The following SAMMSON variants were observed in gnomAD, a reference collection of about 807,000 sequenced individuals.
The protein encoded by SAMMSON is survival associated mitochondrial melanoma specific oncogenic non-coding RNA.
chr3:70,293,946 G>T (rs1190054119), intron 7 of SAMMSON, among the ~76,000 whole-genome samples: 1 of 151,998 alleles, frequency 6.6e-6, no homozygotes, highest in African/African-American at 2.4e-5. Flanking sequence ...GTTATCTGAT[G>T]ACAGAGGGAG....
At chr3:70,215,959 A>T (rs1446085209) in intron 4 of SAMMSON, among the ~76,000 whole-genome samples, 1 of 152,074 alleles carries the variant, frequency 6.6e-6, no homozygotes, top group Non-Finnish European at 1.5e-5. Flanking sequence ...GTGGTAAAAC[A>T]CATCTTGGTA....
chr3:70,205,552 A>T (rs1701281638), intron 4 of SAMMSON: 1 of 150,894 alleles, frequency 6.6e-6, no homozygotes, highest in Non-Finnish European at 1.5e-5. Flanking sequence ...TTTATACGTT[A>T]TTTTTTTTTG....
intron 7 of SAMMSON, among the ~76,000 whole-genome samples, chr3:70,353,076 A>C (rs2106735827): frequency 6.6e-6 from 1 of 152,140 alleles, no homozygotes; most frequent in Admixed American, 6.5e-5. Flanking sequence ...TTTATATTTA[A>C]AATTTATCTT....
intron 3 of SAMMSON, among the ~76,000 whole-genome samples, chr3:70,021,695 C>G (rs540015837): frequency 1.3e-5 from 2 of 152,160 alleles, no homozygotes; most frequent in Admixed American, 1.3e-4. Flanking sequence ...AACCCATCAT[C>G]ATTATATATT....
At chr3:70,431,927 A>G (rs1701417030) in intron 2 of SAMMSON, among the ~76,000 whole-genome samples, 1 of 152,096 alleles carries the variant, frequency 6.6e-6, no homozygotes, top group Non-Finnish European at 1.5e-5. Context: ...TTTATTGCTG[A>G]GAAGTATTAC....
At chr3:70,274,611 A>T (rs1702004218) in intron 6 of SAMMSON, among the ~76,000 whole-genome samples, 2 of 152,152 alleles carry the variant, frequency 1.3e-5, no homozygotes. Context: ...GGGAAACAAC[A>T]CACACTGGGT....
chr3:70,340,435 A>G (rs546969265), intron 7 of SAMMSON, among the ~76,000 whole-genome samples: 3 of 152,140 alleles, frequency 2.0e-5, no homozygotes, highest in African/African-American at 7.2e-5. Context: ...CCTGCTTGAA[A>G]TGTTGGCCTT....
At chr3:70,269,807 C>T (rs530982637) in intron 6 of SAMMSON, among the ~76,000 whole-genome samples, 26 of 152,130 alleles carry the variant, frequency 1.7e-4, no homozygotes, top group East Asian at 5.8e-4. Flanking sequence ...GAAATTTAAA[C>T]GAAATCACAT....
At chr3:70,210,481 C>G (rs1701332501) in intron 4 of SAMMSON, among the ~76,000 whole-genome samples, 1 of 152,112 alleles carries the variant, frequency 6.6e-6, no homozygotes, top group South Asian at 2.1e-4. Flanking sequence ...TTACTGACAT[C>G]TTCCATCTTT....
At chr3:70,134,034 G>T (rs1239785459) in intron 4 of SAMMSON, among the ~76,000 whole-genome samples, 1 of 149,102 alleles carries the variant, frequency 6.7e-6, no homozygotes. Context: ...ACGAGGCCAG[G>T]AGTTCGAGAC....
intron 9 of SAMMSON, among the ~76,000 whole-genome samples, chr3:70,379,104 C>A (rs1237622078): frequency 6.6e-6 from 1 of 151,882 alleles, no homozygotes; most frequent in African/African-American, 2.4e-5. Context: ...ACCTCCACCT[C>A]CCAGGTTCAA....
intron 4 of SAMMSON, among the ~76,000 whole-genome samples, chr3:70,188,463 T>C: frequency 6.6e-6 from 1 of 152,168 alleles, no homozygotes; most frequent in South Asian, 2.1e-4. Context: ...GTGTGTGGTA[T>C]CTAAGAGAAG....
At chr3:70,397,562 G>A (rs1288696581) in intron 2 of SAMMSON, among the ~76,000 whole-genome samples, 1 of 152,078 alleles carries the variant, frequency 6.6e-6, no homozygotes, top group Non-Finnish European at 1.5e-5. Flanking sequence ...CTGAAGTTGT[G>A]TCCACTTTCG....
At chr3:70,374,973 G>A (rs1001983426) in intron 9 of SAMMSON, among the ~76,000 whole-genome samples, 9 of 151,890 alleles carry the variant, frequency 5.9e-5, no homozygotes, top group African/African-American at 2.2e-4. Context: ...CTCCAATATT[G>A]AGTCTGATAC....
intron 4 of SAMMSON, chr3:70,084,728 A>G (rs1226971165): frequency 6.6e-6 from 1 of 152,236 alleles, no homozygotes; most frequent in East Asian, 1.9e-4. Flanking sequence ...ACTTGCAGAC[A>G]ACAGCAGCAA....
rs77345824 is a variant in SAMMSON at position 70,160,961 on chromosome 3, T to A, written n.508-88146T>A. On this transcript the variant is annotated intron_variant and non_coding_transcript_variant, in intron 4 of 9. Transcript: ENST00000642114. ...GCTATTGTGAAACATATTCTCAATT[T>A]TATTTTTGGATTTTGTATTCATATG... 2.6e-4 allele frequency among the ~76,000 whole-genome samples: 40 copies of A among 152,230 alleles called. 1 individual carries two copies. Among genetic ancestry groups the A allele is most frequent in the Middle Eastern group, 6.8e-3 (2 of 294 alleles).
chr3:70,245,382 G>A (rs922973875), intron 4 of SAMMSON, among the ~76,000 whole-genome samples: 1 of 151,748 alleles, frequency 6.6e-6, no homozygotes, highest in East Asian at 1.9e-4. Flanking sequence ...CACTCTTAAT[G>A]TTTTAATGCT....
At chr3:70,312,641 C>A (rs1448006994) in intron 7 of SAMMSON, 1 of 152,154 alleles carries the variant, frequency 6.6e-6, no homozygotes, top group Admixed American at 6.5e-5. Flanking sequence ...ATTCCTCTAT[C>A]CTGACAAAAA....
At chr3:70,080,510 C>G (rs914383878) in intron 4 of SAMMSON, among the ~76,000 whole-genome samples, 3 of 152,138 alleles carry the variant, frequency 2.0e-5, no homozygotes, top group African/African-American at 7.2e-5. Context: ...ACAGATCACT[C>G]CTGTGCCTTT....
Sources: allele counts gnomAD v4.1 joint callset (sites outside exome capture counted in the v4.1 genomes callset), GRCh38; gene constraint gnomAD v4.1.1; transcripts MANE v1.5; gene names NCBI Gene and HGNC (gene_info 2026-07-23, HGNC 2026-07-21).